CSGALNACT1: variants seen among roughly 807,000 people sequenced by gnomAD.
CSGALNACT1 encodes chondroitin sulfate N-acetylgalactosaminyltransferase 1, also known as beta4GalNAcT-1.
Under a neutral mutation model 51.0 loss-of-function variants are expected in CSGALNACT1, and 52 were observed. That is an observed-to-expected ratio of 1.02 (90% CI 0.82 to 1.29). CSGALNACT1 has a LOEUF of 1.29. Ranked by LOEUF, CSGALNACT1 falls within the 50% of genes most tolerant of loss-of-function variation. CSGALNACT1 has a pLI of 0.00. For synonymous variants in CSGALNACT1, 341 were observed against 254.4 expected (o/e 1.34, Z -3.24); for missense variants, 935 against 679.2 (o/e 1.38, Z -4.19).
intron 3 of CSGALNACT1, among the ~76,000 whole-genome samples, chr8:19,577,805 T>G (rs1471598420): frequency 6.6e-6 from 1 of 152,148 alleles, no homozygotes; most frequent in Non-Finnish European, 1.5e-5. Flanking sequence ...TGTCTTTAAC[T>G]GTAAAACTGT....
At chr8:19,466,745 G>A (rs905130757) in intron 4 of CSGALNACT1, among the ~76,000 whole-genome samples, 5 of 152,184 alleles carry the variant, frequency 3.3e-5, no homozygotes, top group African/African-American at 1.2e-4. Context: ...CCCATGAAAT[G>A]CAACAGAAAT....
chr8:19,689,284 A>G (rs1424983846), intron 1 of CSGALNACT1, among the ~76,000 whole-genome samples: 1 of 152,158 alleles, frequency 6.6e-6, no homozygotes. Flanking sequence ...CAGGCAGCCC[A>G]TGGCGTGTTC....
intron 3 of CSGALNACT1, among the ~76,000 whole-genome samples, chr8:19,551,857 G>T (rs537864028): frequency 1.2e-4 from 18 of 152,154 alleles, no homozygotes; most frequent in African/African-American, 4.1e-4. Flanking sequence ...GTCTTAGGAG[G>T]ACAAAGAGAT....
At chr8:19,697,216 A>C (rs573467596) in intron 1 of CSGALNACT1, among the ~76,000 whole-genome samples, 65 of 152,208 alleles carry the variant, frequency 4.3e-4, no homozygotes, top group African/African-American at 1.4e-3. Context: ...CACCATGAAG[A>C]GGAAAAATGG....
chr8:19,706,818 G>A (rs2062197509), intron 1 of CSGALNACT1, among the ~76,000 whole-genome samples: 2 of 152,046 alleles, frequency 1.3e-5, no homozygotes, highest in South Asian at 4.1e-4. Context: ...GTAGAGACAG[G>A]ATCTTGCTAT....
At chr8:19,613,396 C>T (rs991872967) in intron 1 of CSGALNACT1, among the ~76,000 whole-genome samples, 1 of 152,224 alleles carries the variant, frequency 6.6e-6, no homozygotes, top group Non-Finnish European at 1.5e-5. Flanking sequence ...TCACTAGTAA[C>T]CTTTATCATC....
At chr8:19,605,061 A>G (rs560831681), upstream of CSGALNACT1, among the ~76,000 whole-genome samples, 7 of 152,296 alleles carry the variant, frequency 4.6e-5, no homozygotes, top group South Asian at 1.4e-3. Context: ...TAATTCCCTC[A>G]TAAGAAACCA....
At chr8:19,754,111 T>A (rs2065212816) in intron 1 of CSGALNACT1, among the ~76,000 whole-genome samples, 1 of 152,026 alleles carries the variant, frequency 6.6e-6, no homozygotes, top group South Asian at 2.1e-4. Flanking sequence ...CAATGCAACC[T>A]CCGCCTCCCT....
chr8:19,478,513 GACTA>G lies in CSGALNACT1; in HGVS notation c.635-19875_635-19872del, dbSNP rs577030706. On this transcript the variant is annotated intron_variant, in intron 4 of 9. Transcript: ENST00000454498. Reference sequence around the variant, plus strand: ...GTGGTGTAGCCTCGACTCCCCAAGAGACTAACTAACGTACAGCCCAGGTTGCAAA... The same window carrying G: ...GTGGTGTAGCCTCGACTCCCCAAGAGACTAACGTACAGCCCAGGTTGCAAA... Among the ~76,000 whole-genome samples, 185 of 151,142 alleles carry G rather than the reference GACTA, an allele frequency of 1.2e-3. 3 individuals carry two copies. Among genetic ancestry groups the G allele is most frequent in the South Asian group, 6.9e-3 (33 of 4,760 alleles).
At position 19,406,190 on chromosome 8, in the gene CSGALNACT1, C is replaced by T. The variant is rs1266198702; in HGVS notation, c.1310-121G>A. The T allele has an allele frequency of 4.3e-6, 5 of 1,150,598 alleles. No homozygotes were observed. The Admixed American group carries it at 7.0e-5, about 16-fold the overall frequency. 71.3% of individuals were successfully genotyped at this position (1,150,598 alleles called of 1,614,324 possible). Reference sequence around the variant, plus strand: ...GGGGGGGATGCGTGCTTCACCACCACCCCTCCAAGGTACGAGAGTGTCCAC... The same window carrying T: ...GGGGGGGATGCGTGCTTCACCACCATCCCTCCAAGGTACGAGAGTGTCCAC... On this transcript the variant is annotated intron_variant, in intron 9 of 9. Transcript: ENST00000454498.
intron 3 of CSGALNACT1, among the ~76,000 whole-genome samples, chr8:19,574,617 T>C (rs1271260658): frequency 2.0e-5 from 3 of 152,144 alleles, no homozygotes; most frequent in Non-Finnish European, 2.9e-5. Flanking sequence ...TGCCTGAGGT[T>C]CAGGAGTCCG....
At chr8:19,724,807 C>G (rs1031234318) in intron 1 of CSGALNACT1, among the ~76,000 whole-genome samples, 3 of 152,212 alleles carry the variant, frequency 2.0e-5, no homozygotes, top group Non-Finnish European at 4.4e-5. Context: ...AGTGCATCCT[C>G]TGCGTGTTGT....
intron 8 of CSGALNACT1, among the ~76,000 whole-genome samples, chr8:19,409,498 T>TAGAG (rs1324342094): frequency 2.7e-5 from 3 of 110,992 alleles, no homozygotes; most frequent in Admixed American, 1.1e-4. Flanking sequence ...TATATATATA[T>TAGAG]ATAGAGAGAG....
In CSGALNACT1 at chr8:19,556,152, C is replaced by T. The variant is rs185872761; in HGVS notation, c.-297+35008G>A. Reference sequence around the variant, plus strand: ...CAACACTGTGGGAGGCTGAGGTGGGCGGATTACCTGAGGTCAGGAAAAGAC... The same window carrying T: ...CAACACTGTGGGAGGCTGAGGTGGGTGGATTACCTGAGGTCAGGAAAAGAC... On this transcript the variant is annotated intron_variant, in intron 3 of 9. Coordinates refer to ENST00000454498, the Ensembl canonical transcript of CSGALNACT1. Among the ~76,000 whole-genome samples the T allele has an allele frequency of 3.9e-5, 6 of 151,948 alleles. No individual in the cohort carries two copies. In the East Asian group the frequency reaches 5.8e-4, roughly 15 times the overall value.
chr8:19,554,641 G>A (rs1212250517), intron 3 of CSGALNACT1, among the ~76,000 whole-genome samples: 1 of 113,064 alleles, frequency 8.8e-6, no homozygotes, highest in Non-Finnish European at 1.8e-5. Flanking sequence ...ATATAGGCTG[G>A]ATGCAGTGGC....
intron 1 of CSGALNACT1, among the ~76,000 whole-genome samples, chr8:19,646,257 A>T (rs539677807): frequency 6.1e-4 from 93 of 152,340 alleles, no homozygotes; most frequent in Non-Finnish European, 1.0e-3. Flanking sequence ...ATCGTAAGAG[A>T]ATTAGACAAT....
At chr8:19,551,845 T>C (rs1165448775) in intron 3 of CSGALNACT1, among the ~76,000 whole-genome samples, 2 of 152,184 alleles carry the variant, frequency 1.3e-5, no homozygotes, top group Non-Finnish European at 1.5e-5. Context: ...TCATGTTCAG[T>C]AGTCTTAGGA....
chr8:19,419,061 G>A (rs1009526475), intron 7 of CSGALNACT1, among the ~76,000 whole-genome samples: 1 of 152,050 alleles, frequency 6.6e-6, no homozygotes, highest in South Asian at 2.1e-4. Context: ...GGTCAGGCTG[G>A]TCTCAAACTC....
intron 3 of CSGALNACT1, among the ~76,000 whole-genome samples, chr8:19,537,794 T>A (rs896876129): frequency 1.4e-4 from 22 of 152,124 alleles, no homozygotes; most frequent in African/African-American, 5.1e-4. Flanking sequence ...TTTAAAACTT[T>A]TAGGAAAAAA....
Sources: allele counts gnomAD v4.1 joint callset (sites outside exome capture counted in the v4.1 genomes callset), GRCh38; gene constraint gnomAD v4.1.1; transcripts MANE v1.5; gene names NCBI Gene and HGNC (gene_info 2026-07-23, HGNC 2026-07-21).